Variants in ZNF273 observed in about 807,000 individuals in gnomAD.
ZNF273 encodes zinc finger protein 273, also known as zinc finger protein 9.
Under a neutral mutation model 14.9 loss-of-function variants are expected in ZNF273, and 11 were observed. The ratio of observed to expected loss-of-function variants is 0.74; its 90% CI spans 0.46 to 1.22. The LOEUF (loss-of-function observed/expected upper bound fraction) is 1.22, where lower values mean the gene tolerates loss of function less well. ZNF273 is among the 50% of genes most tolerant of loss of function. ZNF273 has a pLI of 0.00. For missense variants in ZNF273, 577 were observed against 660.6 expected (o/e 0.87, Z 1.39); for synonymous variants, 199 against 223.9 (o/e 0.89, Z 0.99).
upstream of ZNF273, among the ~76,000 whole-genome samples, chr7:64,898,423 G>C (rs1322384790): frequency 6.6e-6 from 1 of 152,112 alleles, no homozygotes; most frequent in East Asian, 1.9e-4. Flanking sequence ...TTAACACAAA[G>C]AACTGGTTTT....
downstream of ZNF273, among the ~76,000 whole-genome samples, chr7:64,883,343 G>C (rs1791375081): frequency 6.6e-6 from 1 of 152,060 alleles, no homozygotes; most frequent in African/African-American, 2.4e-5. Context: ...CCTGTGCGCA[G>C]GGCTCCTTGA....
upstream of ZNF273, among the ~76,000 whole-genome samples, chr7:64,898,514 T>A (rs1309050910): frequency 6.6e-6 from 1 of 152,266 alleles, no homozygotes. Context: ...GGAATTTGGT[T>A]GACATTTAAG....
At chr7:64,899,286 C>T (rs1384746782), upstream of ZNF273, among the ~76,000 whole-genome samples, 1 of 152,146 alleles carries the variant, frequency 6.6e-6, no homozygotes, top group Non-Finnish European at 1.5e-5. Context: ...TAATTTTATC[C>T]CATTTAAAAT....
At chr7:64,888,505 A>T in intron 1 of ZNF273, 5 of 985,728 alleles carry the variant, frequency 5.1e-6, no homozygotes, top group Non-Finnish European at 6.0e-6. Context: ...CGAATACCCT[A>T]TTGATGGTGA....
chr7:64,887,810 T>C (rs971016974), intron 1 of ZNF273, among the ~76,000 whole-genome samples: 3 of 151,892 alleles, frequency 2.0e-5, no homozygotes, highest in Admixed American at 2.0e-4. Flanking sequence ...TTTTTTTTTT[T>C]TTCTTAATAG....
intron 1 of ZNF273, among the ~76,000 whole-genome samples, chr7:64,906,372 C>T (rs4717224): frequency 0.42 from 63,165 of 151,706 alleles, 13,317 homozygotes; most frequent in South Asian, 0.45. Context: ...TAAAATAATA[C>T]GTTTATCATC....
At chr7:64,925,472 C>CT (rs1267200099) in intron 3 of ZNF273, among the ~76,000 whole-genome samples, 1 of 152,122 alleles carries the variant, frequency 6.6e-6, no homozygotes, top group African/African-American at 2.4e-5. Flanking sequence ...GAGTCTCGCT[C>CT]TGTTGCCAAG....
intron 3 of ZNF273, chr7:64,924,529 A>ACG (rs1278860599): frequency 6.7e-6 from 1 of 149,196 alleles, no homozygotes; most frequent in African/African-American, 2.5e-5. Flanking sequence ...ACACACACAC[A>ACG]CACACGCGCG....
rs147161067 is a variant in ZNF273 at position 64,909,926 on chromosome 7, G to A, written c.102+6507G>A. 9.3e-5 allele frequency among the ~76,000 whole-genome samples: 14 copies of A among 151,264 alleles called. 1 individual carries two copies. Among genetic ancestry groups the A allele is most frequent in the African/African-American group, 3.2e-4 (13 of 41,170 alleles). On this transcript the variant is annotated intron_variant, in intron 1 of 3. Coordinates refer to ENST00000476120, the MANE Select transcript of ZNF273 (RefSeq NM_021148.3). The stretch of plus-strand genomic sequence containing the variant: ...GTATCTCACTGTGGTTTTTCTTTAC[G>A]TTTCTCTAATGATTAATAATGAGCA...
intron 1 of ZNF273, among the ~76,000 whole-genome samples, chr7:64,912,825 A>ATTTTTTTTTTTTTTTT (rs1562959126): frequency 3.0e-4 from 5 of 16,862 alleles, no homozygotes; most frequent in African/African-American, 4.2e-4. Context: ...GATTCATTTT[A>ATTTTTTTTTTTTTTTT]GTTTTTTTTT....
rs1222328624 is a variant in ZNF273, at chr7:64,906,934, AAG to A, written c.102+3517_102+3518del. 4.6e-5 allele frequency among the ~76,000 whole-genome samples: 7 copies of A among 152,322 alleles called. No individual in the cohort carries two copies. The South Asian group carries it at 1.2e-3, about 27-fold the overall frequency. ...CAAAGTTTAGGCAGACAAGATTAGA[AAG>A]AAGGTGGGAGGGGATGGCAAATAGA... On this transcript the variant is annotated intron_variant, in intron 1 of 3. Transcript: ENST00000476120.
exon 2 of ZNF273, chr7:64,888,812 C>T (rs1471796091): frequency 2.0e-6 from 2 of 985,756 alleles, no homozygotes; most frequent in African/African-American, 3.5e-5. Context: ...CTGTGGAGGC[C>T]ACTTTCTGGA....
At chr7:64,907,279 A>G (rs897426579) in intron 1 of ZNF273, among the ~76,000 whole-genome samples, 10 of 152,230 alleles carry the variant, frequency 6.6e-5, no homozygotes, top group African/African-American at 2.2e-4. Flanking sequence ...CTTTCCATCA[A>G]CTGTTCCTGG....
intron 1 of ZNF273, among the ~76,000 whole-genome samples, chr7:64,906,089 A>G (rs923865140): frequency 1.3e-5 from 2 of 152,226 alleles, no homozygotes; most frequent in African/African-American, 2.4e-5. Flanking sequence ...AATGCTAACC[A>G]AGGAAAAAAA....
At chr7:64,912,826 G>GTTTTTTGTTGTTGTTTTTTTTTT in intron 1 of ZNF273, among the ~76,000 whole-genome samples, 27 of 36,560 alleles carry the variant, frequency 7.4e-4, no homozygotes, top group Non-Finnish European at 1.1e-3. Context: ...ATTCATTTTA[G>GTTTTTTGTTGTTGTTTTTTTTTT]TTTTTTTTTT....
At position 64,928,401 on chromosome 7, in the gene ZNF273, C is replaced by A. The variant is rs1794869874; in HGVS notation, c.1073C>A (p.Ser358Tyr). The change falls in exon 4 of 4, where the codon TCC (serine) becomes TAC (tyrosine). Residue 358 changes from serine to tyrosine, a missense_variant. Ser to Tyr is a moderately radical substitution (Grantham distance 144, BLOSUM62 -2). Coordinates refer to ENST00000476120, the MANE Select transcript of ZNF273 (RefSeq NM_021148.3). The part of the protein sequence containing the change: ...CNECGKAFNW[S>Y]STLTKHKRIH... ...GAATGTGGTAAAGCCTTTAACTGGT[C>A]CTCAACTCTTACTAAACATAAGAGA... is the stretch of plus-strand genomic sequence containing the variant. The A allele has an allele frequency of 6.2e-7, 1 of 1,612,368 alleles. No homozygotes were observed. The highest frequency in any genetic ancestry group is 1.7e-4 in the Middle Eastern group (1 of 6,036).
intron 1 of ZNF273, among the ~76,000 whole-genome samples, chr7:64,910,875 C>A (rs1450688454): frequency 6.6e-6 from 1 of 151,266 alleles, no homozygotes; most frequent in Non-Finnish European, 1.5e-5. Flanking sequence ...AAACAATTCT[C>A]CAGCCTCAGC....
the ZNF273 span, among the ~76,000 whole-genome samples, chr7:64,936,349 G>A: frequency 2.0e-5 from 3 of 152,276 alleles, no homozygotes; most frequent in African/African-American, 7.2e-5. Context: ...ATAGGTGCAT[G>A]TGGACAGCAT....
At chr7:64,883,846 T>C (rs1791420174), downstream of ZNF273, among the ~76,000 whole-genome samples, 1 of 152,222 alleles carries the variant, frequency 6.6e-6, no homozygotes, top group Admixed American at 6.5e-5. Flanking sequence ...AGTAAACCTT[T>C]CCTTGTTCAC....
Sources: allele counts gnomAD v4.1 joint callset (sites outside exome capture counted in the v4.1 genomes callset), GRCh38; gene constraint gnomAD v4.1.1; transcripts MANE v1.5; gene names NCBI Gene and HGNC (gene_info 2026-07-23, HGNC 2026-07-21).